Variants in PCSK6 observed in about 807,000 individuals in gnomAD.
PCSK6 encodes paired basic amino acid cleaving enzyme 4.
Under a neutral mutation model 123.3 loss-of-function variants are expected in PCSK6, and 85 were observed. That is an observed-to-expected ratio of 0.69 (90% CI 0.58 to 0.83). The LOEUF is 0.83. PCSK6 is among the 40% of genes least tolerant of loss of function. The pLI, the probability that PCSK6 is intolerant of heterozygous loss-of-function variation, is 0.00. For missense variants in PCSK6, 1,191 were observed against 1,282.3 expected, an observed-to-expected ratio of 0.93 and a Z score of 1.09; for synonymous variants, 508 against 516.0, an observed-to-expected ratio of 0.98 and a Z score of 0.21.
At chr15:101,358,455 G>T (rs1388632976) in intron 13 of PCSK6, among the ~76,000 whole-genome samples, 1 of 152,196 alleles carries the variant, frequency 6.6e-6, no homozygotes, top group Non-Finnish European at 1.5e-5. Flanking sequence ...TGGCCCTTGG[G>T]CCCTTGTGCA....
intron 6 of PCSK6, among the ~76,000 whole-genome samples, chr15:101,403,349 C>T (rs1481884072): frequency 1.3e-5 from 2 of 149,652 alleles, no homozygotes; most frequent in Non-Finnish European, 3.0e-5. Context: ...TGCAGCACAC[C>T]AGCATGGCAC....
intron 13 of PCSK6, among the ~76,000 whole-genome samples, chr15:101,334,947 G>C (rs187314215): frequency 9.2e-4 from 140 of 152,258 alleles, no homozygotes; most frequent in African/African-American, 3.3e-3. Context: ...GACTTTATGT[G>C]TGTGTGTGTG....
At chr15:101,452,554 G>C (rs1158456018) in intron 1 of PCSK6, among the ~76,000 whole-genome samples, 1 of 152,158 alleles carries the variant, frequency 6.6e-6, no homozygotes, top group Non-Finnish European at 1.5e-5. Flanking sequence ...TGGTGTGTGT[G>C]GGGTGGGAAG....
chr15:101,424,660 G>C (rs1436903294), intron 6 of PCSK6, among the ~76,000 whole-genome samples: 3 of 152,130 alleles, frequency 2.0e-5, no homozygotes, highest in Non-Finnish European at 4.4e-5. Context: ...AGTAGTTTGC[G>C]GTCAACTACA....
rs1417779743 is a variant in PCSK6 at position 101,489,672 on chromosome 15, G to A, written c.-2C>T. ...CGCAGGCGGCGCGCGCGGAGGCATA[G>A]CGGCGACAGGCTCGCGCGGCGCCCG... On this transcript the variant is annotated 5_prime_UTR_variant, in exon 1 of 22. Coordinates refer to ENST00000611716, the MANE Select transcript of PCSK6 (RefSeq NM_002570.5). 6.2e-6 allele frequency: 6 copies of A among 975,284 alleles called. No individual in the cohort carries two copies. The Admixed American group carries it at 3.2e-4, about 52-fold the overall frequency. The allele number at this position is 975,284 out of a possible 1,614,324, so 60.4% of individuals were successfully genotyped here.
At chr15:101,306,141 G>A (rs1276330778) in intron 21 of PCSK6, among the ~76,000 whole-genome samples, 2 of 151,990 alleles carry the variant, frequency 1.3e-5, no homozygotes, top group Admixed American at 6.6e-5. Flanking sequence ...AGTGGGGATG[G>A]GGGGAAGGGA....
chr15:101,352,771 C>CTT (rs2040929124), intron 13 of PCSK6, among the ~76,000 whole-genome samples: 1 of 152,192 alleles, frequency 6.6e-6, no homozygotes, highest in Non-Finnish European at 1.5e-5. Context: ...CCTTGCATTC[C>CTT]TTTAATTTTG....
chr15:101,421,035 C>G (rs750223508), intron 6 of PCSK6, among the ~76,000 whole-genome samples: 3 of 152,200 alleles, frequency 2.0e-5, no homozygotes, highest in African/African-American at 7.2e-5. Flanking sequence ...AAACCTCCAC[C>G]TTACAGGTTC....
intron 11 of PCSK6, among the ~76,000 whole-genome samples, chr15:101,375,899 T>C (rs1167700877): frequency 6.6e-6 from 1 of 152,118 alleles, no homozygotes; most frequent in Non-Finnish European, 1.5e-5. Flanking sequence ...CCAGGTGTGA[T>C]GGCATGTGCC....
intron 1 of PCSK6, among the ~76,000 whole-genome samples, chr15:101,482,311 G>A (rs920478942): frequency 1.3e-4 from 20 of 152,202 alleles, no homozygotes; most frequent in Non-Finnish European, 2.8e-4. Context: ...GCAATAGTCA[G>A]GAGAAACATC....
intron 10 of PCSK6, among the ~76,000 whole-genome samples, chr15:101,382,969 A>G (rs1261540803): frequency 6.6e-6 from 1 of 152,210 alleles, no homozygotes; most frequent in Non-Finnish European, 1.5e-5. Flanking sequence ...TAGGGTAACT[A>G]TGCTTGACCT....
rs189527652 is a variant in PCSK6, at chr15:101,408,161, G to A, written c.824-9585C>T. On this transcript the variant is annotated intron_variant, in intron 6 of 21. Transcript: ENST00000611716. ...GTACATCTGCACCACACGCAAGTACGGCAAGGAACCCTAGAGGAGGCGCAC... is the reference window on the plus strand; with the variant it reads ...GTACATCTGCACCACACGCAAGTACAGCAAGGAACCCTAGAGGAGGCGCAC... Among the ~76,000 whole-genome samples the A allele has an allele frequency of 3.3e-3, 508 of 152,314 alleles. 12 individuals are homozygous for A. Among genetic ancestry groups the A allele is most frequent in the Admixed American group, 0.031 (477 of 15,308 alleles).
intron 1 of PCSK6, among the ~76,000 whole-genome samples, chr15:101,468,623 C>A (rs911045296): frequency 6.6e-6 from 1 of 152,188 alleles, no homozygotes; most frequent in African/African-American, 2.4e-5. Context: ...CCTCCAAAAT[C>A]CAATAAAGAA....
At chr15:101,362,208 G>A (rs951698279) in intron 13 of PCSK6, among the ~76,000 whole-genome samples, 13 of 152,012 alleles carry the variant, frequency 8.6e-5, no homozygotes, top group African/African-American at 2.7e-4. Flanking sequence ...CACCCGCCTC[G>A]GCCTCCCAAA....
chr15:101,354,150 G>A (rs1363708225), intron 13 of PCSK6, among the ~76,000 whole-genome samples: 1 of 151,976 alleles, frequency 6.6e-6, no homozygotes, highest in Non-Finnish European at 1.5e-5. Context: ...GGAAGCATAA[G>A]CCAATATGCA....
chr15:101,455,118 T>G (rs1159600916), intron 1 of PCSK6, among the ~76,000 whole-genome samples: 2 of 152,122 alleles, frequency 1.3e-5, no homozygotes, highest in Admixed American at 1.3e-4. Flanking sequence ...ACAGGTAAGA[T>G]GATATATTTT....
intron 1 of PCSK6, among the ~76,000 whole-genome samples, chr15:101,481,951 G>C (rs2057897346): frequency 6.6e-6 from 1 of 152,212 alleles, no homozygotes; most frequent in Non-Finnish European, 1.5e-5. Flanking sequence ...GATTCCCCGA[G>C]ACAGAGCCAT....
At chr15:101,352,337 C>G (rs1393680282) in intron 13 of PCSK6, among the ~76,000 whole-genome samples, 1 of 151,826 alleles carries the variant, frequency 6.6e-6, no homozygotes, top group South Asian at 2.1e-4. Flanking sequence ...TTAGTAGAGA[C>G]GGGGTTTCAC....
intron 1 of PCSK6, among the ~76,000 whole-genome samples, chr15:101,479,886 G>C (rs1567255524): frequency 6.6e-6 from 1 of 152,194 alleles, no homozygotes; most frequent in Non-Finnish European, 1.5e-5. Context: ...ACCACTGCTG[G>C]GGTCCTCCCA....
Sources: gnomAD v4.1 joint callset for allele counts (sites outside exome capture counted in the v4.1 genomes callset) on GRCh38, gnomAD v4.1.1 for gene constraint, MANE v1.5 for transcripts, NCBI Gene and HGNC (gene_info 2026-07-23, HGNC 2026-07-21) for gene names.